The following ALK variants were observed in gnomAD, a reference collection of about 807,000 sequenced individuals.
The protein encoded by ALK is ALK receptor tyrosine kinase, also known as ALK tyrosine kinase receptor.
A neutral mutation model predicts 163.1 loss-of-function variants in ALK; 74 were observed. The ratio of observed to expected loss-of-function variants is 0.45; its 90% CI spans 0.38 to 0.55. ALK has a LOEUF of 0.55. Ranked by LOEUF, ALK falls within the 20% of genes least tolerant of loss-of-function variation. ALK has a pLI of 0.00. For missense variants in ALK, 2,063 were observed against 2,105.3 expected (o/e 0.98, Z 0.39); for synonymous variants, 960 against 843.2 (o/e 1.14, Z -2.40).
intron 1 of ALK, among the ~76,000 whole-genome samples, chr2:29,764,896 T>C (rs979470679): frequency 6.6e-6 from 1 of 152,160 alleles, no homozygotes; most frequent in African/African-American, 2.4e-5. Context: ...AGGTGGGACC[T>C]AGTTGGAGGT....
At chr2:29,852,839 T>G (rs879319884) in intron 1 of ALK, among the ~76,000 whole-genome samples, 380 of 27,144 alleles carry the variant, frequency 0.014, 2 homozygotes, top group Middle Eastern at 0.024. Flanking sequence ...GCTTTCTCTC[T>G]CTCTCTCTCT....
intron 3 of ALK, among the ~76,000 whole-genome samples, chr2:29,645,039 A>G (rs1240796471): frequency 6.6e-6 from 1 of 152,162 alleles, no homozygotes; most frequent in Non-Finnish European, 1.5e-5. Context: ...CCCAAAGCCA[A>G]GACTGCCCAG....
chr2:29,610,712 A>C (rs1183950233), intron 3 of ALK, among the ~76,000 whole-genome samples: 2 of 152,202 alleles, frequency 1.3e-5, no homozygotes, highest in African/African-American at 4.8e-5. Flanking sequence ...GTCACTGGAC[A>C]AATGTTACTC....
At chr2:29,905,506 C>T (rs768876466) in intron 1 of ALK, among the ~76,000 whole-genome samples, 2 of 144,632 alleles carry the variant, frequency 1.4e-5, no homozygotes, top group African/African-American at 2.6e-5. Context: ...AAGATTAATA[C>T]TATGAAAGAA....
intron 1 of ALK, among the ~76,000 whole-genome samples, chr2:29,805,166 C>T (rs1664574761): frequency 6.6e-6 from 1 of 152,184 alleles, no homozygotes; most frequent in South Asian, 2.1e-4. Context: ...TCATAGTGCC[C>T]ACCTCGCCAA....
At chr2:29,565,070 C>T (rs1674140697) in intron 3 of ALK, among the ~76,000 whole-genome samples, 1 of 152,214 alleles carries the variant, frequency 6.6e-6, no homozygotes, top group African/African-American at 2.4e-5. Context: ...CTACTCTGTA[C>T]AGACACGGAG....
At chr2:29,522,099 T>G (rs893155855) in intron 4 of ALK, among the ~76,000 whole-genome samples, 4 of 152,228 alleles carry the variant, frequency 2.6e-5, no homozygotes, top group Admixed American at 6.5e-5. Context: ...TAAGACTGCA[T>G]CCTTAATTAT....
chr2:29,919,838 G>C (rs1022156022), intron 1 of ALK, among the ~76,000 whole-genome samples, 155 bp downstream of exon 1: 5 of 152,218 alleles, frequency 3.3e-5, no homozygotes, highest in African/African-American at 1.2e-4. Flanking sequence ...AGAAACTACG[G>C]TCTGATTCGG....
chr2:29,828,758 G>A (rs1389849181), intron 1 of ALK, among the ~76,000 whole-genome samples: 5 of 151,764 alleles, frequency 3.3e-5, no homozygotes, highest in African/African-American at 4.8e-5. Context: ...ACAGTGTGGC[G>A]ATTCCTCAGG....
chr2:29,911,314 C>G (rs1667696860), intron 1 of ALK, among the ~76,000 whole-genome samples: 1 of 152,218 alleles, frequency 6.6e-6, no homozygotes, highest in African/African-American at 2.4e-5. Flanking sequence ...GCCAGCATAG[C>G]TGCTGATAGA....
intron 4 of ALK, among the ~76,000 whole-genome samples, chr2:29,444,492 G>A (rs1670622984): frequency 6.6e-6 from 1 of 152,188 alleles, no homozygotes; most frequent in Admixed American, 6.5e-5. Context: ...GTGCCCAGGA[G>A]ACAACAGAGG....
chr2:29,225,510 G>T lies in ALK; in HGVS notation c.3123C>A (p.Thr1041=). 6.2e-7 allele frequency: 1 copy of T among 1,613,548 alleles called. No homozygotes were observed. The highest frequency in any genetic ancestry group is 8.5e-7 in the Non-Finnish European group (1 of 1,179,974). The change falls in exon 19 of 29, where the codon ACC becomes ACA. Residue 1041 remains threonine, a synonymous_variant. Transcript: ENST00000389048. Reference sequence around the variant, plus strand: ...GGACCAGGGCGGCCACGAGGGCAGAGGTCACCACAGAGAGGATCAGCGAGA... The same window carrying T: ...GGACCAGGGCGGCCACGAGGGCAGATGTCACCACAGAGAGGATCAGCGAGA... ...LPLSLILSVV[T]SALVAALVLA...
At chr2:29,482,142 C>A (rs943437095) in intron 4 of ALK, among the ~76,000 whole-genome samples, 1 of 152,082 alleles carries the variant, frequency 6.6e-6, no homozygotes, top group African/African-American at 2.4e-5. Context: ...GAGACCAGTA[C>A]CGGGAATGAA....
intron 1 of ALK, among the ~76,000 whole-genome samples, chr2:29,896,370 G>A (rs1234709026): frequency 6.6e-6 from 1 of 152,162 alleles, no homozygotes; most frequent in Non-Finnish European, 1.5e-5. Flanking sequence ...TCATTCATCT[G>A]TTGAAGCCCT....
At chr2:29,516,033 G>A (rs911455444) in intron 4 of ALK, among the ~76,000 whole-genome samples, 45 of 152,228 alleles carry the variant, frequency 3.0e-4, no homozygotes, top group Admixed American at 2.7e-3. Flanking sequence ...TGACCTGGGT[G>A]AGGGCTCTGA....
At chr2:29,830,578 T>C (rs1057105246) in intron 1 of ALK, among the ~76,000 whole-genome samples, 1 of 151,784 alleles carries the variant, frequency 6.6e-6, no homozygotes, top group African/African-American at 2.4e-5. Flanking sequence ...TTGTTAGAAA[T>C]GCAGAATACA....
chr2:29,328,980 G>A (rs1051667413), intron 5 of ALK, among the ~76,000 whole-genome samples: 3 of 152,180 alleles, frequency 2.0e-5, no homozygotes, highest in Non-Finnish European at 4.4e-5. Context: ...AGCACTTTCT[G>A]TTCTGGAATG....
At chr2:29,475,066 C>T (rs12105413) in intron 4 of ALK, among the ~76,000 whole-genome samples, 4,901 of 152,232 alleles carry the variant, frequency 0.032, 121 homozygotes, top group African/African-American at 0.032. Flanking sequence ...CTTATCTCCT[C>T]CACTCACTCA....
In ALK at chr2:29,232,613, T is replaced by A. The variant is rs76337448; in HGVS notation, c.2488-165A>T. 2.6e-5 allele frequency among the ~76,000 whole-genome samples: 4 copies of A among 152,316 alleles called. No individual in the cohort carries two copies. The East Asian group carries it at 7.7e-4, about 29-fold the overall frequency. Reference sequence around the variant, plus strand: ...TGCGGGCTCTGAACCCTTGTTACAATAGCCCATCGGCTCCGCCAGCTTCTC... The same window carrying A: ...TGCGGGCTCTGAACCCTTGTTACAAAAGCCCATCGGCTCCGCCAGCTTCTC... On this transcript the variant is annotated intron_variant, in intron 14 of 28. Transcript: ENST00000389048.
Sources: allele counts gnomAD v4.1 joint callset (sites outside exome capture counted in the v4.1 genomes callset), GRCh38; gene constraint gnomAD v4.1.1; transcripts MANE v1.5; gene names NCBI Gene and HGNC (gene_info 2026-07-23, HGNC 2026-07-21).